ARHGEF28: variants seen among roughly 807,000 people sequenced by gnomAD.
The protein encoded by ARHGEF28 is 190 kDa guanine nucleotide exchange factor.
In ARHGEF28, 152 loss-of-function variants were observed where a neutral mutation model predicts 206.6. The ratio of observed to expected loss-of-function variants is 0.74; its 90% CI spans 0.64 to 0.84. The LOEUF is 0.84. ARHGEF28 is among the 40% of genes least tolerant of loss of function. The pLI is 0.00. For synonymous variants in ARHGEF28, 763 were observed against 776.4 expected (o/e 0.98, Z 0.29); for missense variants, 2,028 against 2,073.2 (o/e 0.98, Z 0.42).
intron 25 of ARHGEF28, 41 bp from the exon 26 acceptor site, chr5:73,887,562 T>C: frequency 7.1e-7 from 1 of 1,408,978 alleles, no homozygotes; most frequent in Non-Finnish European, 9.7e-7. Context: ...ATTTGAACTG[T>C]GGTTTGCTTC....
chr5:73,780,850 C>A, intron 7 of ARHGEF28, 105 bp downstream of exon 7: 3 of 1,251,218 alleles, frequency 2.4e-6, no homozygotes, highest in Non-Finnish European at 3.4e-6. Flanking sequence ...AATCAAGGGG[C>A]TCAGAGGCAA....
intron 17 of ARHGEF28, 127 bp downstream of exon 17, chr5:73,864,999 CAT>C (rs1759624024): frequency 5.1e-6 from 4 of 783,002 alleles, no homozygotes; most frequent in African/African-American, 3.5e-5. Flanking sequence ...GATAACATAA[CAT>C]ATGCTCAAAG....
intron 2 of ARHGEF28, among the ~76,000 whole-genome samples, chr5:73,708,270 G>A (rs1353618943): frequency 2.0e-4 from 30 of 151,840 alleles, no homozygotes; most frequent in Admixed American, 2.0e-3. Flanking sequence ...GCATGATGCT[G>A]AAGTTTGGGG....
At chr5:73,906,051 C>T (rs1762532166) in intron 33 of ARHGEF28, among the ~76,000 whole-genome samples, 1 of 152,180 alleles carries the variant, frequency 6.6e-6, no homozygotes, top group Non-Finnish European at 1.5e-5. Context: ...AGGCATGCTG[C>T]ATTCGATGTT....
At position 73,920,636 on chromosome 5, in the gene ARHGEF28, G is replaced by A. The variant is rs146220299; in HGVS notation, c.4948+9061G>A. 8.7e-3 allele frequency among the ~76,000 whole-genome samples: 1,212 copies of A among 139,804 alleles called. 21 individuals are homozygous for A. The highest frequency in any genetic ancestry group is 0.03 in the African/African-American group (1,145 of 37,700). 91.7% of individuals were successfully genotyped at this position (139,804 alleles called of 152,430 possible). Reference sequence around the variant, plus strand: ...GCTATCCCGGCTCACTGCAAGCTCCGCCTCTTGGGTTCATGCCATTCTCCT... The same window carrying A: ...GCTATCCCGGCTCACTGCAAGCTCCACCTCTTGGGTTCATGCCATTCTCCT... On this transcript the variant is annotated intron_variant, in intron 35 of 35. Transcript: ENST00000513042.
At chr5:73,884,008 C>T in intron 24 of ARHGEF28, 124 bp downstream of exon 24, 1 of 471,340 alleles carries the variant, frequency 2.1e-6, no homozygotes, top group East Asian at 3.5e-5. Flanking sequence ...GACGGAGAAA[C>T]TGTTAAAGCC....
intron 1 of ARHGEF28, among the ~76,000 whole-genome samples, chr5:73,670,917 T>C (rs1209663944): frequency 6.6e-6 from 1 of 152,240 alleles, no homozygotes; most frequent in Non-Finnish European, 1.5e-5. Flanking sequence ...GGAGCATGTC[T>C]TTTCATCCTC....
At chr5:73,705,593 T>C (rs899428467) in intron 2 of ARHGEF28, among the ~76,000 whole-genome samples, 2 of 152,110 alleles carry the variant, frequency 1.3e-5, no homozygotes, top group African/African-American at 4.8e-5. Flanking sequence ...CTGGTGGCCA[T>C]TGTGTGCATG....
chr5:73,777,848 A>G (rs569449904), intron 6 of ARHGEF28, among the ~76,000 whole-genome samples: 2 of 152,130 alleles, frequency 1.3e-5, no homozygotes, highest in African/African-American at 4.8e-5. Context: ...TGGGTAGCCG[A>G]GGTGGGTGGA....
chr5:73,925,056 C>A (rs1429002475), intron 35 of ARHGEF28, among the ~76,000 whole-genome samples: 1 of 152,176 alleles, frequency 6.6e-6, no homozygotes, highest in Admixed American at 6.5e-5. Flanking sequence ...TCTAACACAA[C>A]AAATTTCAGA....
chr5:73,910,794 C>T (rs1008699982), intron 34 of ARHGEF28, among the ~76,000 whole-genome samples: 11 of 152,092 alleles, frequency 7.2e-5, no homozygotes, highest in Admixed American at 1.3e-4. Flanking sequence ...GAATCCTATT[C>T]GTCCCAGAAA....
intron 2 of ARHGEF28, among the ~76,000 whole-genome samples, chr5:73,698,301 T>C (rs1748345615): frequency 6.6e-6 from 1 of 152,186 alleles, no homozygotes; most frequent in African/African-American, 2.4e-5. Flanking sequence ...TAGAATACTT[T>C]TAATTTCTCT....
At chr5:73,860,627 C>T (rs951184965) in intron 16 of ARHGEF28, among the ~76,000 whole-genome samples, 127 of 152,122 alleles carry the variant, frequency 8.3e-4, no homozygotes, top group African/African-American at 2.7e-3. Flanking sequence ...TTCTCATCAC[C>T]GCCTTCTAGA....
At position 73,675,416 on chromosome 5, in the gene ARHGEF28, T is replaced by C. The variant is rs185401827; in HGVS notation, c.-11-9425T>C. ...GAAAAAAGACTTGCCTGAGGTTCCA[T>C]TGTGTGAAAATGAAAATAAAGTATG... On this transcript the variant is annotated intron_variant, in intron 1 of 35. Transcript: ENST00000513042. 1.6e-4 allele frequency among the ~76,000 whole-genome samples: 25 copies of C among 152,090 alleles called. No individual in the cohort carries two copies. In the East Asian group the frequency reaches 4.2e-3, roughly 26 times the overall value.
chr5:73,742,962 T>C (rs1751528438), intron 2 of ARHGEF28, among the ~76,000 whole-genome samples: 1 of 152,198 alleles, frequency 6.6e-6, no homozygotes, highest in Admixed American at 6.5e-5. Context: ...CGTGACATTA[T>C]AATATTTTGT....
intron 4 of ARHGEF28, among the ~76,000 whole-genome samples, chr5:73,754,907 A>AT (rs1242293411): frequency 3.1e-5 from 4 of 130,546 alleles, no homozygotes; most frequent in Admixed American, 1.5e-4. Flanking sequence ...TTATTTATTT[A>AT]TTTTTTTAGA....
intron 35 of ARHGEF28, among the ~76,000 whole-genome samples, chr5:73,916,096 T>C (rs115395585): frequency 0.012 from 1,896 of 152,302 alleles, 31 homozygotes; most frequent in African/African-American, 0.043. Flanking sequence ...TGTTAAACTT[T>C]GACAAGTTTT....
intron 2 of ARHGEF28, among the ~76,000 whole-genome samples, chr5:73,736,244 C>T (rs73762192): frequency 0.015 from 2,330 of 152,266 alleles, 57 homozygotes; most frequent in African/African-American, 0.053. Context: ...GAAATGGTCA[C>T]GGAGCCAATC....
intron 16 of ARHGEF28, among the ~76,000 whole-genome samples, chr5:73,862,410 C>T (rs1759454372): frequency 6.6e-6 from 1 of 152,164 alleles, no homozygotes; most frequent in Non-Finnish European, 1.5e-5. Context: ...TAGAAGTAAT[C>T]TGTAATGTAG....
Sources: gnomAD v4.1 joint callset for allele counts (sites outside exome capture counted in the v4.1 genomes callset) on GRCh38, gnomAD v4.1.1 for gene constraint, MANE v1.5 for transcripts, NCBI Gene and HGNC (gene_info 2026-07-23, HGNC 2026-07-21) for gene names.